Variants in TRIO observed in about 807,000 individuals in gnomAD.
TRIO encodes the protein trio Rho guanine nucleotide exchange factor, also known as triple functional domain protein.
Under a neutral mutation model 351.9 loss-of-function variants are expected in TRIO, and 58 were observed. That is an observed-to-expected ratio of 0.16 (90% CI 0.13 to 0.21). TRIO has a LOEUF of 0.21. Ranked by LOEUF, TRIO falls within the 10% of genes least tolerant of loss-of-function variation. The pLI is 1.00. For synonymous variants in TRIO, 1,758 were observed against 1,595.7 expected, an observed-to-expected ratio of 1.10 and a Z score of -2.42; for missense variants, 3,201 against 4,027.8, an observed-to-expected ratio of 0.79 and a Z score of 5.56.
chr5:14,227,361 C>G (rs189310602), intron 1 of TRIO, among the ~76,000 whole-genome samples: 3 of 152,182 alleles, frequency 2.0e-5, no homozygotes, highest in Non-Finnish European at 4.4e-5. Flanking sequence ...GGACAGGGAC[C>G]TCCTTTTGTG....
chr5:14,155,745 C>T (rs1474750161), intron 1 of TRIO, among the ~76,000 whole-genome samples: 1 of 152,206 alleles, frequency 6.6e-6, no homozygotes, highest in Non-Finnish European at 1.5e-5. Context: ...CACTGTCCCA[C>T]TGTGGTGATG....
chr5:14,400,702 C>T (rs185942026), intron 30 of TRIO, among the ~76,000 whole-genome samples: 3 of 152,264 alleles, frequency 2.0e-5, no homozygotes, highest in Non-Finnish European at 2.9e-5. Context: ...ATGTTGGTTT[C>T]CTTCCCCTGA....
chr5:14,462,692 AC>A (rs1373065915), intron 35 of TRIO, 62 bp from the exon 36 acceptor site: 2 of 1,589,114 alleles, frequency 1.3e-6, no homozygotes, highest in East Asian at 4.6e-5. Context: ...TCTCCAAGTA[AC>A]CCTTGGTCCA....
chr5:14,168,194 T>A (rs185362849), intron 1 of TRIO, among the ~76,000 whole-genome samples: 2 of 152,372 alleles, frequency 1.3e-5, no homozygotes, highest in East Asian at 1.9e-4. Flanking sequence ...CTCAAGTGTG[T>A]CATCCTGAAA....
At chr5:14,414,130 GAGGCAGGTGTTT>G (rs1214880569) in intron 33 of TRIO, among the ~76,000 whole-genome samples, 2 of 152,234 alleles carry the variant, frequency 1.3e-5, no homozygotes, top group African/African-American at 4.8e-5. Context: ...TGCACTACGT[GAGGCAGGTGTTT>G]TTCAACTGTT....
intron 14 of TRIO, 123 bp downstream of exon 14, chr5:14,364,050 C>T (rs1744385907): frequency 3.2e-6 from 3 of 930,304 alleles, no homozygotes; most frequent in Non-Finnish European, 3.1e-6. Context: ...TTATAGATAC[C>T]TGTTCTTTAA....
At chr5:14,480,679 G>T (rs1245547426) in intron 43 of TRIO, among the ~76,000 whole-genome samples, 1 of 152,232 alleles carries the variant, frequency 6.6e-6, no homozygotes, top group Non-Finnish European at 1.5e-5. Context: ...CAAAGAGCTT[G>T]TCTTGGATTA....
Position 14,485,083 on chromosome 5 carries a change from C to T in TRIO, c.6672C>T (p.Cys2224=). Residue 2224 remains cysteine (C), a synonymous_variant, in exon 47 of 57, where the codon TGC becomes TGT. Transcript: ENST00000344204. ...FKNSIKVSCL[C]LEENVENDPC... Reference sequence around the variant, plus strand: ...TTTTTTTTAAGGTGAGTTGCCTTTGCCTGGAGGAAAATGTGGAAAATGATC... The same window carrying T: ...TTTTTTTTAAGGTGAGTTGCCTTTGTCTGGAGGAAAATGTGGAAAATGATC... 6.5e-7 allele frequency: 1 copy of T among 1,536,754 alleles called. No homozygotes were observed. The highest frequency in any genetic ancestry group is 8.8e-7 in the Non-Finnish European group (1 of 1,135,546).
intron 28 of TRIO, among the ~76,000 whole-genome samples, chr5:14,396,524 C>T (rs1747611577): frequency 8.4e-6 from 1 of 119,666 alleles, no homozygotes. Flanking sequence ...GGCTGGAGTG[C>T]AGTGGCACAA....
intron 3 of TRIO, among the ~76,000 whole-genome samples, chr5:14,284,469 T>C (rs1736273483): frequency 6.6e-6 from 1 of 152,178 alleles, no homozygotes. Flanking sequence ...CCCAGTCCAT[T>C]TGCCATTTTC....
chr5:14,251,344 T>C (rs887310832), intron 1 of TRIO, among the ~76,000 whole-genome samples: 8 of 152,210 alleles, frequency 5.3e-5, no homozygotes, highest in Non-Finnish European at 1.0e-4. Context: ...CCTACTGATT[T>C]TGATCAGCAC....
chr5:14,315,507 T>C (rs572802939), intron 8 of TRIO, among the ~76,000 whole-genome samples: 29 of 152,136 alleles, frequency 1.9e-4, no homozygotes, highest in South Asian at 4.2e-4. Context: ...TGCCTCGGCC[T>C]CCCAAAGTGC....
rs879629838 is a variant in TRIO, at chr5:14,257,434, GA to G, written c.158-13379del. Among the ~76,000 whole-genome samples, 801 of 147,494 alleles carry G rather than the reference GA, an allele frequency of 5.4e-3. 5 individuals carry two copies. The highest frequency in any genetic ancestry group is 0.014 in the African/African-American group (550 of 40,500). The stretch of plus-strand genomic sequence containing the variant: ...AGAGGTAGTTAGTAGTCTCTTCCAG[GA>G]AAAAAAAAAAATTTTGCTCACGTGG... On this transcript the variant is annotated intron_variant, in intron 1 of 56. Coordinates refer to ENST00000344204, the MANE Select transcript of TRIO (RefSeq NM_007118.4).
chr5:14,151,730 A>G (rs977615028), intron 1 of TRIO, among the ~76,000 whole-genome samples: 1 of 152,200 alleles, frequency 6.6e-6, no homozygotes, highest in Non-Finnish European at 1.5e-5. Context: ...GCATTGACCC[A>G]TCCACTTTTT....
chr5:14,210,452 C>T (rs560453778), intron 1 of TRIO, among the ~76,000 whole-genome samples: 2 of 152,336 alleles, frequency 1.3e-5, no homozygotes, highest in Admixed American at 1.3e-4. Flanking sequence ...TAGCTTCTTG[C>T]TGTCCAGGTG....
At chr5:14,452,911 G>A (rs1246253347) in intron 34 of TRIO, among the ~76,000 whole-genome samples, 1 of 151,926 alleles carries the variant, frequency 6.6e-6, no homozygotes, top group Non-Finnish European at 1.5e-5. Context: ...TTTTTTTAAG[G>A]TTTTTATTAA....
chr5:14,414,173 TCC>T, intron 33 of TRIO, among the ~76,000 whole-genome samples: 1 of 152,298 alleles, frequency 6.6e-6, no homozygotes, highest in East Asian at 1.9e-4. Flanking sequence ...CCGCCCTCGT[TCC>T]CTTTTCCACT....
intron 1 of TRIO, among the ~76,000 whole-genome samples, chr5:14,190,640 G>T (rs1173685666): frequency 6.6e-6 from 1 of 152,110 alleles, no homozygotes. Context: ...GCTTTAAGTT[G>T]TCTTCTCCGA....
chr5:14,377,667 T>C (rs910320503), intron 19 of TRIO, among the ~76,000 whole-genome samples: 1 of 152,138 alleles, frequency 6.6e-6, no homozygotes, highest in Non-Finnish European at 1.5e-5. Flanking sequence ...AAAAAAATGC[T>C]GATTTTTTTT....
Sources: gnomAD v4.1 joint callset for allele counts (sites outside exome capture counted in the v4.1 genomes callset) on GRCh38, gnomAD v4.1.1 for gene constraint, MANE v1.5 for transcripts, NCBI Gene and HGNC (gene_info 2026-07-23, HGNC 2026-07-21) for gene names.